The following MAP3K21 variants were observed in gnomAD, a reference collection of about 807,000 sequenced individuals.
The protein encoded by MAP3K21 is mitogen-activated protein kinase kinase kinase 21.
In MAP3K21, 63 loss-of-function variants were observed where a neutral mutation model predicts 86.1. That is an observed-to-expected ratio of 0.73 (90% confidence interval 0.60 to 0.90). The LOEUF (loss-of-function observed/expected upper bound fraction) is 0.90. Among genes scored for constraint, MAP3K21 ranks in the 40% least tolerant of loss-of-function variants. The pLI is 0.00. For synonymous variants in MAP3K21, 558 were observed against 564.8 expected (o/e 0.99, Z 0.17); for missense variants, 1,220 against 1,367.7 (o/e 0.89, Z 1.70).
At chr1:233,345,307 C>T (rs894416923) in intron 1 of MAP3K21, among the ~76,000 whole-genome samples, 12 of 152,092 alleles carry the variant, frequency 7.9e-5, no homozygotes, top group East Asian at 1.9e-4. Flanking sequence ...GTACTATTCA[C>T]GATAGCAACA....
intron 4 of MAP3K21, among the ~76,000 whole-genome samples, chr1:233,360,685 A>G (rs1459415280): frequency 6.6e-6 from 1 of 152,142 alleles, no homozygotes; most frequent in Non-Finnish European, 1.5e-5. Flanking sequence ...CGATAATTGT[A>G]CTGATAGGCT....
At chr1:233,361,115 A>C (rs1487413603) in intron 4 of MAP3K21, among the ~76,000 whole-genome samples, 1 of 152,280 alleles carries the variant, frequency 6.6e-6, no homozygotes, top group African/African-American at 2.4e-5. Flanking sequence ...TCTCTGGTAA[A>C]GAACAGAACA....
intron 3 of MAP3K21, 33 bp downstream of exon 3, chr1:233,353,988 G>A (rs112249526): frequency 0.013 from 18,504 of 1,414,022 alleles, 142 homozygotes; most frequent in Non-Finnish European, 0.016. Context: ...TCTTTGTGGG[G>A]GCAAGAATTT....
chr1:233,328,482 G>A lies in MAP3K21; in HGVS notation c.454G>A (p.Ala152Thr). ...TWQGQEVAVK[A>T]ARQDPEQDAA... ...GCAGGGCCAGGAGGTGGCCGTGAAG[G>A]CGGCGCGCCAGGACCCGGAGCAGGA... is the stretch of plus-strand genomic sequence containing the variant. Residue 152 changes from alanine to threonine, a missense_variant, in exon 1 of 10, where the codon GCG (alanine) becomes ACG (threonine). Coordinates refer to ENST00000366624, the MANE Select transcript of MAP3K21 (RefSeq NM_032435.3). This position sits in a 1 kb window ranked among gnomAD's most constrained non-coding sequence, Gnocchi z 8.7. 6.6e-7 allele frequency: 1 copy of A among 1,509,410 alleles called. No homozygotes were observed. The highest frequency in any genetic ancestry group is 8.8e-7 in the Non-Finnish European group (1 of 1,139,476). 93.5% of individuals were successfully genotyped at this position (1,509,410 alleles called of 1,614,324 possible).
intron 1 of MAP3K21, among the ~76,000 whole-genome samples, chr1:233,330,297 A>G (rs899487989): frequency 2.6e-5 from 4 of 152,246 alleles, no homozygotes; most frequent in African/African-American, 4.8e-5. Context: ...AAAGTCTAAC[A>G]AAATATGTTG....
At chr1:233,356,736 C>T (rs1183868269) in intron 4 of MAP3K21, among the ~76,000 whole-genome samples, 7 of 152,240 alleles carry the variant, frequency 4.6e-5, no homozygotes, top group South Asian at 4.1e-4. Context: ...TGTATTCTTA[C>T]GCAATGCAAA....
At chr1:233,341,366 T>G (rs1663036325) in intron 1 of MAP3K21, among the ~76,000 whole-genome samples, 2 of 152,160 alleles carry the variant, frequency 1.3e-5, no homozygotes, top group Admixed American at 1.3e-4. Flanking sequence ...TTTCAGTCAC[T>G]TTGTCCAAAA....
chr1:233,333,485 C>T (rs1427773106), intron 1 of MAP3K21, among the ~76,000 whole-genome samples: 1 of 152,004 alleles, frequency 6.6e-6, no homozygotes, highest in Non-Finnish European at 1.5e-5. Context: ...TGGCTCATAC[C>T]TATCTATCAT....
chr1:233,371,228 AT>A (rs1663672137), intron 5 of MAP3K21, among the ~76,000 whole-genome samples: 1 of 152,186 alleles, frequency 6.6e-6, no homozygotes, highest in South Asian at 2.1e-4. Context: ...CATGTGAAAT[AT>A]TGTTGTTCAC....
rs1398947465 is a variant in MAP3K21, at chr1:233,382,892, T to G, written c.*181T>G. 3.6e-6 allele frequency: 2 copies of G among 559,286 alleles called. No individual in the cohort carries two copies. The highest frequency in any genetic ancestry group is 6.3e-6 in the Non-Finnish European group (2 of 319,898). The allele number at this position is 559,286 out of a possible 1,614,324, so 34.6% of individuals were successfully genotyped here. A position where few individuals can be genotyped will look rare whatever the true frequency, so the allele number is the denominator to read the frequency against. ...GATTGCTGTTAGCCATGTCTATTGT[T>G]TTTCCTCTGGATTCTTTTCTTATAA... On this transcript the variant is annotated 3_prime_UTR_variant, in exon 10 of 10. Coordinates refer to ENST00000366624, the MANE Select transcript of MAP3K21 (RefSeq NM_032435.3).
At chr1:233,376,605 C>A in intron 8 of MAP3K21, 78 bp downstream of exon 8, 1 of 945,152 alleles carries the variant, frequency 1.1e-6, no homozygotes, top group Non-Finnish European at 1.6e-6. Flanking sequence ...CTTTTACAGT[C>A]TTACGTGGTC....
chr1:233,334,969 T>TTTG (rs1365630173), intron 1 of MAP3K21, among the ~76,000 whole-genome samples: 2 of 151,730 alleles, frequency 1.3e-5, no homozygotes, highest in Non-Finnish European at 2.9e-5. Flanking sequence ...CTTTCTTTTT[T>TTTG]TTTTTTATTA....
chr1:233,368,227 C>T (rs1355043138), intron 5 of MAP3K21, among the ~76,000 whole-genome samples: 1 of 152,146 alleles, frequency 6.6e-6, no homozygotes, highest in African/African-American at 2.4e-5. Flanking sequence ...TTATAAATGA[C>T]TTTAGTCTAA....
Position 233,328,530 on chromosome 1 carries a change from G to T in MAP3K21, c.502G>T (p.Val168Leu), listed in dbSNP as rs1250891723. 3.9e-6 allele frequency: 6 copies of T among 1,531,724 alleles called. No individual in the cohort carries two copies. The highest frequency in any genetic ancestry group is 2.4e-5 in the South Asian group (2 of 83,526). 94.9% of individuals were successfully genotyped at this position (1,531,724 alleles called of 1,614,324 possible). Residue 168 changes from valine to leucine, a missense_variant, in exon 1 of 10, where the codon GTG (valine) becomes TTG (leucine). By Grantham distance (32) the Val-to-Leu change is conservative. This residue lies in a region of MAP3K21 where 369 missense variants were observed against 385.3 expected (regional missense o/e 0.96). Coordinates refer to ENST00000366624, the MANE Select transcript of MAP3K21 (RefSeq NM_032435.3). This position sits in a 1 kb window ranked among gnomAD's most constrained non-coding sequence, Gnocchi z 8.7. ...GGACGCGGCGGCGGCTGCCGAGAGC[G>T]TGCGGCGCGAGGCTCGGCTCTTCGC... ...EQDAAAAAES[V>L]RREARLFAML...
chr1:233,331,347 ATAAAGTGAAGAG>A (rs1662806319), intron 1 of MAP3K21, among the ~76,000 whole-genome samples: 1 of 152,208 alleles, frequency 6.6e-6, no homozygotes, highest in African/African-American at 2.4e-5. Flanking sequence ...TTTAATTACT[ATAAAGTGAAGAG>A]TTTGACTGGG....
rs779566753 is a variant in MAP3K21, at chr1:233,353,788, T to A, written c.987-19T>A. 2 of 1,560,314 alleles carry A rather than the reference T, an allele frequency of 1.3e-6. No individual in the cohort carries two copies. Among genetic ancestry groups the A allele is most frequent in the Non-Finnish European group, 1.7e-6 (2 of 1,156,186 alleles). On this transcript the variant is annotated intron_variant, in intron 2 of 9. Coordinates refer to ENST00000366624, the MANE Select transcript of MAP3K21 (RefSeq NM_032435.3). ...GACACTGTTTAGCCCATTGAGCATA[T>A]GAAATCCTTGCTTTCTAGCTATGGA... is the stretch of plus-strand genomic sequence containing the variant.
chr1:233,376,500 T>A lies in MAP3K21; in HGVS notation c.1897T>A (p.Leu633Met). The change falls in exon 8 of 10, where the codon TTG becomes ATG. Residue 633 changes from leucine to methionine, a missense_variant. Transcript: ENST00000366624. ...AATAAAAAATCAGAAAACCATGCCC[T>A]TGGCTTCATTGTTTGTGGACCAGCC... ...ILIKNQKTMP[L>M]ASLFVDQPGS... 6.2e-7 allele frequency: 1 copy of A among 1,613,586 alleles called. No homozygotes were observed. Among genetic ancestry groups the A allele is most frequent in the Non-Finnish European group, 8.5e-7 (1 of 1,179,654 alleles).
rs374053385 is a variant in MAP3K21 at position 233,379,424 on chromosome 1, T to C, written c.2418T>C (p.Ser806=). The part of the protein sequence containing the change: ...SSALGILSTP[S]FSTKCLLQMD... Reference sequence around the variant, plus strand: ...CCCTGGGCATCCTCTCCACACCTTCTTTCTCCACAAAGTGCCTGCTGCAGA... The same window carrying C: ...CCCTGGGCATCCTCTCCACACCTTCCTTCTCCACAAAGTGCCTGCTGCAGA... Residue 806 remains serine (S), a synonymous_variant, in exon 9 of 10, where the codon TCT becomes TCC. Transcript: ENST00000366624. 31 of 1,614,172 alleles carry C rather than the reference T, an allele frequency of 1.9e-5. 1 individual carries two copies. The East Asian group carries it at 2.9e-4, about 15-fold the overall frequency.
chr1:233,359,094 T>C (rs1663420910), intron 4 of MAP3K21, among the ~76,000 whole-genome samples: 1 of 152,204 alleles, frequency 6.6e-6, no homozygotes, highest in African/African-American at 2.4e-5. Flanking sequence ...ATTACAGGCA[T>C]GAGCCACCAG....
Sources: allele counts gnomAD v4.1 joint callset (sites outside exome capture counted in the v4.1 genomes callset), GRCh38; gene constraint gnomAD v4.1.1; regional missense constraint gnomAD v4.1.1; non-coding constraint Gnocchi (gnomAD v3.1); transcripts MANE v1.5; gene names NCBI Gene and HGNC (gene_info 2026-07-23, HGNC 2026-07-21).